Variants in BCO2 observed in about 807,000 individuals in gnomAD.
BCO2 encodes beta-carotene oxygenase 2.
Under a neutral mutation model 65.8 loss-of-function variants are expected in BCO2, and 56 were observed. The ratio of observed to expected loss-of-function variants is 0.85; its 90% confidence interval spans 0.69 to 1.06. The LOEUF is 1.06. Ranked by LOEUF, BCO2 falls within the 50% of genes least tolerant of loss-of-function variation. BCO2 has a pLI of 0.00. For synonymous variants in BCO2, 233 were observed against 242.3 expected (o/e 0.96, Z 0.36); for missense variants, 675 against 698.5 (o/e 0.97, Z 0.38).
At chr11:112,179,176 C>A in intron 1 of BCO2, 102 bp from the exon 2 acceptor site, 1 of 1,072,902 alleles carries the variant, frequency 9.3e-7, no homozygotes, top group Non-Finnish European at 1.4e-6. Flanking sequence ...GTTTATGTTT[C>A]CCTCAAGCTG....
chr11:112,214,000 T>C, intron 9 of BCO2, 139 bp downstream of exon 9: 1 of 662,670 alleles, frequency 1.5e-6, no homozygotes, highest in Non-Finnish European at 2.4e-6. Context: ...GTAACATCGC[T>C]TGCACAAGAA....
At chr11:112,186,190 A>G (rs551719744) in intron 2 of BCO2, among the ~76,000 whole-genome samples, 4 of 152,274 alleles carry the variant, frequency 2.6e-5, no homozygotes, top group South Asian at 4.1e-4. Flanking sequence ...CAGAGGGTAT[A>G]TGGTATTTCA....
At chr11:112,198,895 T>A (rs1867652041) in intron 5 of BCO2, among the ~76,000 whole-genome samples, 1 of 151,804 alleles carries the variant, frequency 6.6e-6, no homozygotes. Context: ...TTCAACTCTA[T>A]GACCTGTCTA....
chr11:112,194,449 G>C (rs1867501123), intron 4 of BCO2: 4 of 509,402 alleles, frequency 7.9e-6, no homozygotes, highest in Middle Eastern at 1.0e-3. Flanking sequence ...GTTGTTAGTA[G>C]TGGTGATGTG....
chr11:112,209,287 TC>T (rs1313467454), intron 8 of BCO2, among the ~76,000 whole-genome samples: 2 of 152,224 alleles, frequency 1.3e-5, no homozygotes, highest in Non-Finnish European at 1.5e-5. Flanking sequence ...AAACCACTGA[TC>T]TTTTCACTAT....
At chr11:112,182,595 G>C (rs1178079676) in intron 2 of BCO2, among the ~76,000 whole-genome samples, 2 of 151,712 alleles carry the variant, frequency 1.3e-5, no homozygotes, top group Non-Finnish European at 2.9e-5. Context: ...GCAAACTATT[G>C]CAAGGACAGA....
At chr11:112,183,320 T>G in intron 2 of BCO2, 1 of 613,540 alleles carries the variant, frequency 1.6e-6, no homozygotes, top group Non-Finnish European at 3.0e-6. Context: ...ATTTAGAGGA[T>G]TATGCTTGTT....
chr11:112,190,987 A>G (rs1406866384), intron 2 of BCO2, among the ~76,000 whole-genome samples: 1 of 150,194 alleles, frequency 6.7e-6, no homozygotes, highest in East Asian at 1.9e-4. Context: ...TATATTATAA[A>G]TATCTTATGT....
chr11:112,181,762 A>C, intron 2 of BCO2: 1 of 854,112 alleles, frequency 1.2e-6, no homozygotes, highest in Non-Finnish European at 2.0e-6. Flanking sequence ...AGTGGTGCCG[A>C]TCTTTCTTGT....
intron 2 of BCO2, chr11:112,180,950 G>A (rs1288275852): frequency 8.5e-5 from 97 of 1,137,560 alleles, no homozygotes; most frequent in Non-Finnish European, 1.3e-4. Flanking sequence ...CAGGGATGAT[G>A]ATGTTTTGTT....
chr11:112,202,147 A>G lies in BCO2; in HGVS notation c.1151A>G (p.Tyr384Cys), dbSNP rs751758899. ...GATAATGGAAGAACCCTAGAAGTTT[A>G]CCAGTTACAGAATCTCAGGAAGGCT... Reference protein sequence around the residue: ...CQDNGRTLEVYQLQNLRKAGE... With the variant: ...CQDNGRTLEVCQLQNLRKAGE... Residue 384 changes from tyrosine (Y) to cysteine (C), a missense_variant, in exon 8 of 12, where the codon TAC becomes TGC. Transcript: ENST00000357685. The G allele has an allele frequency of 3.1e-6, 5 of 1,613,866 alleles. No individual in the cohort carries two copies. Among genetic ancestry groups the G allele is most frequent in the Non-Finnish European group, 4.2e-6 (5 of 1,179,934 alleles).
Position 112,213,131 on chromosome 11 carries a change from CTTTTTTTTTTTT to C in BCO2, c.1195-575_1195-564del, listed in dbSNP as rs35527541. Among the ~76,000 whole-genome samples, 162 of 63,128 alleles carry C rather than the reference CTTTTTTTTTTTT, an allele frequency of 2.6e-3. 3 individuals carry two copies. The highest frequency in any genetic ancestry group is 0.012 in the Admixed American group (47 of 3,932). The allele number at this position is 63,128 out of a possible 152,430, so 41.4% of individuals were successfully genotyped here. On this transcript the variant is annotated intron_variant, in intron 8 of 11. Coordinates refer to ENST00000357685, the MANE Select transcript of BCO2 (RefSeq NM_031938.7). ...TGTTTATTTGATGCTAATTAAATAA[CTTTTTTTTTTTT>C]TTTTTTTTTTTTTTTTTGTGACGGA...
intron 2 of BCO2, among the ~76,000 whole-genome samples, chr11:112,185,466 T>A (rs985984437): frequency 6.6e-6 from 1 of 152,212 alleles, no homozygotes; most frequent in Non-Finnish European, 1.5e-5. Flanking sequence ...AACAATTTAT[T>A]ATGAAAGTTT....
chr11:112,198,487 G>C (rs987544769), intron 5 of BCO2, among the ~76,000 whole-genome samples: 17 of 151,956 alleles, frequency 1.1e-4, no homozygotes, highest in African/African-American at 4.1e-4. Flanking sequence ...AATAAATAAA[G>C]AACTGTACTG....
At chr11:112,211,117 C>T (rs1859496440) in intron 8 of BCO2, among the ~76,000 whole-genome samples, 1 of 152,120 alleles carries the variant, frequency 6.6e-6, no homozygotes, top group Non-Finnish European at 1.5e-5. Context: ...TTCCCCCCAC[C>T]TCCAGTCCCT....
intron 1 of BCO2, among the ~76,000 whole-genome samples, chr11:112,176,887 A>G (rs1866902123): frequency 6.6e-6 from 1 of 152,242 alleles, no homozygotes; most frequent in African/African-American, 2.4e-5. Context: ...GTTATAGGGC[A>G]GCAGGAAAGT....
intron 8 of BCO2, among the ~76,000 whole-genome samples, chr11:112,209,862 T>C (rs1206592735): frequency 6.6e-6 from 1 of 152,214 alleles, no homozygotes; most frequent in Non-Finnish European, 1.5e-5. Context: ...GCTTTGTTAC[T>C]ATTTTGTTTA....
rs534710109 is a variant in BCO2 at position 112,175,533 on chromosome 11, C to T, written c.-69C>T. 1 of 1,142,472 alleles carries T rather than the reference C, an allele frequency of 8.8e-7. No homozygotes were observed. The highest frequency in any genetic ancestry group is 1.3e-5 in the South Asian group (1 of 79,178). 70.8% of individuals were successfully genotyped at this position (1,142,472 alleles called of 1,614,324 possible). A position where few individuals can be genotyped will look rare whatever the true frequency, so the allele number is the denominator to read the frequency against. On this transcript the variant is annotated 5_prime_UTR_variant, in exon 1 of 12. Coordinates refer to ENST00000357685, the MANE Select transcript of BCO2 (RefSeq NM_031938.7). ...GTCCAGGCAGTTCTGTGCGTGTTCA[C>T]TGTTTAGTAGTACTCAAAACTGCCA... is the stretch of plus-strand genomic sequence containing the variant.
intron 1 of BCO2, 37 bp downstream of exon 1, chr11:112,175,726 C>G (rs752046659): frequency 6.5e-7 from 1 of 1,543,040 alleles, no homozygotes; most frequent in Non-Finnish European, 9.0e-7. Context: ...TCATCCTCCT[C>G]TTCTTGCCAG....
Sources: allele counts gnomAD v4.1 joint callset (sites outside exome capture counted in the v4.1 genomes callset), GRCh38; gene constraint gnomAD v4.1.1; transcripts MANE v1.5; gene names NCBI Gene and HGNC (gene_info 2026-07-23, HGNC 2026-07-21).